The following YPEL1 variants were observed in gnomAD, a reference collection of about 807,000 sequenced individuals.
YPEL1 encodes the protein yippee like 1.
A neutral mutation model predicts 17.3 loss-of-function variants in YPEL1; 7 were observed. That is an observed-to-expected ratio of 0.40 (90% CI 0.23 to 0.76). The LOEUF (loss-of-function observed/expected upper bound fraction) is 0.76. Among genes scored for constraint, YPEL1 ranks in the 30% least tolerant of loss-of-function variants. The probability of loss-of-function intolerance (pLI) is 0.35; values close to 1 mark genes in which losing one functional copy is unlikely to be tolerated. For synonymous variants in YPEL1, 59 were observed against 59.6 expected, an observed-to-expected ratio of 0.99 and a Z score of 0.05; for missense variants, 91 against 155.5, an observed-to-expected ratio of 0.59 and a Z score of 2.21.
In YPEL1 at chr22:21,701,147, T is replaced by C. The variant is rs1182095492; in HGVS notation, c.342A>G (p.Lys114=). The part of the protein sequence containing the change: ...KFIIELAHMI[K]DNGWE ...TCGCACATTACTCCCAGCCATTGTC[T>C]TTGATCATATGAGCAAGCTCAATGA... Residue 114 remains lysine (K), a synonymous_variant, in exon 5 of 5, where the codon AAA becomes AAG. Coordinates refer to ENST00000339468, the MANE Select transcript of YPEL1 (RefSeq NM_013313.5). 6.2e-7 allele frequency: 1 copy of C among 1,613,880 alleles called. No individual in the cohort carries two copies. The highest frequency in any genetic ancestry group is 8.5e-7 in the Non-Finnish European group (1 of 1,179,782).
At chr22:21,704,494 T>TA (rs575849297) in intron 2 of YPEL1, among the ~76,000 whole-genome samples, 1 of 151,946 alleles carries the variant, frequency 6.6e-6, no homozygotes. Context: ...CTGTCTCTAC[T>TA]AAAAATACAA....
chr22:21,709,612 C>T (rs923510951), intron 2 of YPEL1, among the ~76,000 whole-genome samples: 2 of 151,682 alleles, frequency 1.3e-5, no homozygotes, highest in Admixed American at 1.3e-4. Flanking sequence ...CCTGTCTCTA[C>T]AAGAAAAAAT....
At chr22:21,724,396 G>A (rs958686383) in intron 1 of YPEL1, among the ~76,000 whole-genome samples, 2 of 151,952 alleles carry the variant, frequency 1.3e-5, no homozygotes, top group African/African-American at 2.4e-5. Context: ...AATTAGCCAT[G>A]CGTGGTGGCG....
chr22:21,704,887 A>T (rs1284481288), intron 2 of YPEL1, among the ~76,000 whole-genome samples: 1 of 152,156 alleles, frequency 6.6e-6, no homozygotes, highest in East Asian at 1.9e-4. Context: ...ACAGGTGGGA[A>T]CGCCTGCTCC....
At chr22:21,719,651 G>A (rs1449146144) in intron 1 of YPEL1, among the ~76,000 whole-genome samples, 1 of 152,184 alleles carries the variant, frequency 6.6e-6, no homozygotes, top group Admixed American at 6.5e-5. Flanking sequence ...TTGGGAGGGT[G>A]AGGCAGGAGG....
intron 1 of YPEL1, among the ~76,000 whole-genome samples, chr22:21,728,400 C>A (rs1011093221): frequency 2.6e-5 from 4 of 152,198 alleles, no homozygotes; most frequent in African/African-American, 4.8e-5. Flanking sequence ...TGGAAAAGGA[C>A]GTGCAGCGGC....
At chr22:21,715,569 A>G (rs1156849850) in intron 1 of YPEL1, among the ~76,000 whole-genome samples, 2 of 142,928 alleles carry the variant, frequency 1.4e-5, no homozygotes, top group Non-Finnish European at 3.1e-5. Flanking sequence ...AATAAAAAAC[A>G]TAAAAGGTAG....
chr22:21,729,910 G>A (rs1302725792), intron 1 of YPEL1, among the ~76,000 whole-genome samples: 1 of 152,136 alleles, frequency 6.6e-6, no homozygotes, highest in African/African-American at 2.4e-5. Context: ...CACTTTAGGA[G>A]GCCGAGATGG....
intron 1 of YPEL1, among the ~76,000 whole-genome samples, chr22:21,733,408 ACT>A (rs1004984389): frequency 9.4e-5 from 14 of 149,130 alleles, no homozygotes; most frequent in African/African-American, 3.5e-4. Context: ...ACAGAGCGAG[ACT>A]CTGTCTCAAA....
Position 21,711,220 on chromosome 22 carries a change from G to A in YPEL1, c.-164-312C>T, listed in dbSNP as rs939444537. On this transcript the variant is annotated intron_variant, in intron 1 of 4. Coordinates refer to ENST00000339468, the MANE Select transcript of YPEL1 (RefSeq NM_013313.5). ...GTGCTGGGATTACAAGCACCACTGC[G>A]CCTGACCAAGATCCAACTCTTTAGT... 7.9e-5 allele frequency among the ~76,000 whole-genome samples: 12 copies of A among 152,066 alleles called. No individual in the cohort carries two copies. In the East Asian group the frequency reaches 9.6e-4, roughly 12 times the overall value.
In YPEL1 at chr22:21,724,938, G is replaced by A. The variant is rs556318918; in HGVS notation, c.-165+10677C>T. Reference sequence around the variant, plus strand: ...TTTTTTTTTTTTGAAATGGACTTTCGCTCTTTCCGCCCAGGCTCGAGTGCA... The same window carrying A: ...TTTTTTTTTTTTGAAATGGACTTTCACTCTTTCCGCCCAGGCTCGAGTGCA... On this transcript the variant is annotated intron_variant, in intron 1 of 4. Coordinates refer to ENST00000339468, the MANE Select transcript of YPEL1 (RefSeq NM_013313.5). Among the ~76,000 whole-genome samples, 200 of 145,290 alleles carry A rather than the reference G, an allele frequency of 1.4e-3. 1 individual carries two copies. The highest frequency in any genetic ancestry group is 4.2e-3 in the South Asian group (19 of 4,548).
In YPEL1 at chr22:21,698,142, T is replaced by G. The variant is rs2068009745; in HGVS notation, c.*2987A>C. Reference sequence around the variant, plus strand: ...TTTAAGAGGGTGGTGGATATGGTCCTGTGAATAGCACTTCCCCTGAAGCCA... The same window carrying G: ...TTTAAGAGGGTGGTGGATATGGTCCGGTGAATAGCACTTCCCCTGAAGCCA... On this transcript the variant is annotated 3_prime_UTR_variant, in exon 5 of 5. Coordinates refer to ENST00000339468, the MANE Select transcript of YPEL1 (RefSeq NM_013313.5). 6.6e-6 allele frequency: 1 copy of G among 152,120 alleles called. No homozygotes were observed. The highest frequency in any genetic ancestry group is 2.4e-5 in the African/African-American group (1 of 41,364). 9.4% of individuals were successfully genotyped at this position (152,120 alleles called of 1,614,324 possible).
intron 1 of YPEL1, among the ~76,000 whole-genome samples, chr22:21,725,489 A>G (rs2148613222): frequency 6.6e-6 from 1 of 151,870 alleles, no homozygotes; most frequent in Admixed American, 6.6e-5. Context: ...TCGGCCTCCC[A>G]AAGTGCTGGG....
chr22:21,726,267 T>C (rs957415158), intron 1 of YPEL1, among the ~76,000 whole-genome samples: 1 of 152,180 alleles, frequency 6.6e-6, no homozygotes, highest in South Asian at 2.1e-4. Context: ...CCCAGAAGGT[T>C]CCAGGAAGGA....
rs1488652682 is a variant in YPEL1 at position 21,701,129 on chromosome 22, T to C, written c.360A>G (p.Ter120=). Residue 120 remains the stop codon, a stop_retained_variant, in exon 5 of 5, where the codon TAA becomes TAG. Transcript: ENST00000339468. ...CAAAGGAGAAGGGAAAGTTCGCACA[T>C]TACTCCCAGCCATTGTCTTTGATCA... The part of the protein sequence containing the change: ...AHMIKDNGWE[*] 6.2e-7 allele frequency: 1 copy of C among 1,612,920 alleles called. No homozygotes were observed. Among genetic ancestry groups the C allele is most frequent in the Non-Finnish European group, 8.5e-7 (1 of 1,179,140 alleles).
intron 1 of YPEL1, chr22:21,722,961 A>G (rs1484056123): frequency 6.6e-6 from 1 of 150,766 alleles, no homozygotes; most frequent in African/African-American, 2.4e-5. Flanking sequence ...ACTGATCAAC[A>G]TGGGAGTTTT....
At chr22:21,720,091 T>G (rs1217164705) in intron 1 of YPEL1, among the ~76,000 whole-genome samples, 1 of 141,522 alleles carries the variant, frequency 7.1e-6, no homozygotes, top group Non-Finnish European at 1.5e-5. Flanking sequence ...GGCAGGAGAA[T>G]CACTTGAACC....
intron 2 of YPEL1, chr22:21,704,219 C>T (rs1167159918): frequency 2.0e-5 from 14 of 714,586 alleles, no homozygotes; most frequent in South Asian, 4.4e-5. Flanking sequence ...GAGGGGATCA[C>T]GAATGATTTT....
At chr22:21,705,944 A>G (rs1268990934) in intron 2 of YPEL1, among the ~76,000 whole-genome samples, 1 of 152,144 alleles carries the variant, frequency 6.6e-6, no homozygotes, top group African/African-American at 2.4e-5. Context: ...AGCCTGGCCA[A>G]CATGGAGAAA....
Sources: allele counts gnomAD v4.1 joint callset (sites outside exome capture counted in the v4.1 genomes callset), GRCh38; gene constraint gnomAD v4.1.1; transcripts MANE v1.5; gene names NCBI Gene and HGNC (gene_info 2026-07-23, HGNC 2026-07-21).